Variants in ASDURF observed in about 807,000 individuals in gnomAD.
The protein encoded by ASDURF is ASNSD1 upstream open reading frame, also known as ASDURF protein.
ASDURF carries 3 observed loss-of-function variants against 3.3 expected under a neutral mutation model. That is an observed-to-expected ratio of 0.92 (90% confidence interval 0.42 to 2.37). The LOEUF (loss-of-function observed/expected upper bound fraction) is 2.37, where lower values mean the gene tolerates loss of function less well. ASDURF is among the 30% of genes most tolerant of loss of function. The pLI is 0.05. For missense variants in ASDURF, 23 were observed against 25.4 expected (o/e 0.90, Z 0.21); for synonymous variants, 11 against 8.3 (o/e 1.32, Z -0.55).
chr2:189,665,837 A>G (rs185225057), intron 3 of ASDURF, among the ~76,000 whole-genome samples: 277 of 151,966 alleles, frequency 1.8e-3, no homozygotes, highest in African/African-American at 6.3e-3. Context: ...GGCCAAAATC[A>G]GCACTCGGCA....
chr2:189,665,612 A>ATT lies in ASDURF; in HGVS notation c.220+162_220+163insTT, dbSNP rs2032776844. ...TATATATATGTGTATATATATATAT[A>ATT]TATATATATATATATATATATATAT... On this transcript the variant is annotated intron_variant, in intron 3 of 3. Coordinates refer to ENST00000607829, the MANE Select transcript of ASDURF (RefSeq NM_001353493.2). Among the ~76,000 whole-genome samples the ATT allele has an allele frequency of 1.5e-4, 5 of 32,824 alleles. 1 individual carries two copies. In the Admixed American group the frequency reaches 2.4e-3, roughly 15 times the overall value. The allele number at this position is 32,824 out of a possible 152,430, so 21.5% of individuals were successfully genotyped here.
At chr2:189,662,188 C>T (rs754130336) in intron 1 of ASDURF, among the ~76,000 whole-genome samples, 3 of 152,238 alleles carry the variant, frequency 2.0e-5, no homozygotes, top group Non-Finnish European at 4.4e-5. Context: ...CTAAAACACG[C>T]ATTGGGTTGT....
chr2:189,665,615 T>C (rs556597500), intron 3 of ASDURF, among the ~76,000 whole-genome samples, 164 bp downstream of exon 3: 5 of 106,228 alleles, frequency 4.7e-5, no homozygotes, highest in African/African-American at 1.9e-4. Flanking sequence ...TATATATATA[T>C]ATATATATAT....
At chr2:189,661,861 G>C (rs986990756) in intron 1 of ASDURF, among the ~76,000 whole-genome samples, 5 of 152,160 alleles carry the variant, frequency 3.3e-5, no homozygotes, top group Admixed American at 6.5e-5. Context: ...AGTTTTGGTT[G>C]GGTGTTTTCC....
Position 189,665,426 on chromosome 2 carries a change from A to T in ASDURF, c.195A>T (p.Arg65=). ...QNSNIFFLAD[R]TEMLSESKNI... ...GCAATATATTCTTTCTTGCAGACCG[A>T]ACAGAAATGCTGTCTGAGAGCAAGA... is the stretch of plus-strand genomic sequence containing the variant. Residue 65 remains arginine (R), a synonymous_variant, in exon 3 of 4, where the codon CGA becomes CGT. Coordinates refer to ENST00000607829, the MANE Select transcript of ASDURF (RefSeq NM_001353493.2). 1 of 397,848 alleles carries T rather than the reference A, an allele frequency of 2.5e-6. No homozygotes were observed. The highest frequency in any genetic ancestry group is 4.4e-6 in the Non-Finnish European group (1 of 225,580). 24.6% of individuals were successfully genotyped at this position (397,848 alleles called of 1,614,324 possible).
chr2:189,664,400 G>A (rs2032740351), intron 2 of ASDURF, among the ~76,000 whole-genome samples: 1 of 152,118 alleles, frequency 6.6e-6, no homozygotes, highest in African/African-American at 2.4e-5. Flanking sequence ...TGTGTAACAT[G>A]GTTATTTAAT....
At chr2:189,665,480 G>T in intron 3 of ASDURF, 29 bp downstream of exon 3, 2 of 395,638 alleles carry the variant, frequency 5.1e-6, no homozygotes, top group Non-Finnish European at 8.9e-6. Flanking sequence ...GGGGTTTTTG[G>T]GGGGTGCCTA....
chr2:189,666,380 T>C lies in ASDURF; in HGVS notation c.*269T>C, dbSNP rs1010434591. The stretch of plus-strand genomic sequence containing the variant: ...TGGAATGGAGAAATTTTTAGTGGAA[T>C]AAAGGTTGAAGCTGAAGAGAATGAC... On this transcript the variant is annotated 3_prime_UTR_variant, in exon 4 of 4. Coordinates refer to ENST00000607829, the MANE Select transcript of ASDURF (RefSeq NM_001353493.2). The C allele has an allele frequency of 6.2e-7, 1 of 1,613,992 alleles. No homozygotes were observed. Among genetic ancestry groups the C allele is most frequent in the Non-Finnish European group, 8.5e-7 (1 of 1,179,942 alleles).
At chr2:189,663,838 G>A (rs2032727721) in intron 1 of ASDURF, 63 bp from the exon 2 acceptor site, 1 of 370,232 alleles carries the variant, frequency 2.7e-6, no homozygotes, top group Admixed American at 4.7e-5. Context: ...AACCCCTTAA[G>A]GGATTTTCAT....
At chr2:189,664,140 T>C (rs777505517) in intron 2 of ASDURF, among the ~76,000 whole-genome samples, 186 bp downstream of exon 2, 3 of 152,236 alleles carry the variant, frequency 2.0e-5, no homozygotes, top group Non-Finnish European at 4.4e-5. Context: ...TAGCTGAAGA[T>C]GTCTTTTTTC....
intron 1 of ASDURF, among the ~76,000 whole-genome samples, chr2:189,662,452 C>G (rs1469961040): frequency 1.3e-5 from 2 of 152,116 alleles, no homozygotes; most frequent in African/African-American, 4.8e-5. Flanking sequence ...ATGGGAAAGC[C>G]CTGTATAAAT....
chr2:189,665,614 A>ATATATGTATG (rs1300656417), intron 3 of ASDURF, among the ~76,000 whole-genome samples, 163 bp downstream of exon 3: 1 of 95,636 alleles, frequency 1.0e-5, no homozygotes, highest in Admixed American at 1.0e-4. Flanking sequence ...ATATATATAT[A>ATATATGTATG]TATATATATA....
At position 189,666,352 on chromosome 2, in the gene ASDURF, C is replaced by T; in HGVS notation, c.*241C>T. ...GGAAGATGAAAGAGGCAATGTGTTT[C>T]TATGGAATGGAGAAATTTTTAGTGG... On this transcript the variant is annotated 3_prime_UTR_variant, in exon 4 of 4. Transcript: ENST00000607829. The T allele has an allele frequency of 6.2e-7, 1 of 1,613,752 alleles. No homozygotes were observed. The highest frequency in any genetic ancestry group is 8.5e-7 in the Non-Finnish European group (1 of 1,179,812).
At position 189,663,852 on chromosome 2, in the gene ASDURF, G is replaced by A. The variant is rs2032728084; in HGVS notation, c.91-49G>A. 1.1e-5 allele frequency: 4 copies of A among 377,338 alleles called. No individual in the cohort carries two copies. The East Asian group carries it at 1.5e-4, about 14-fold the overall frequency. 23.4% of individuals were successfully genotyped at this position (377,338 alleles called of 1,614,324 possible). A position where few individuals can be genotyped will look rare whatever the true frequency, so the allele number is the denominator to read the frequency against. On this transcript the variant is annotated intron_variant, in intron 1 of 3. Coordinates refer to ENST00000607829, the MANE Select transcript of ASDURF (RefSeq NM_001353493.2). Reference sequence around the variant, plus strand: ...CAACCCCTTAAGGGATTTTCATTGAGCATACTTTGAAAACATCTGACTTAA... The same window carrying A: ...CAACCCCTTAAGGGATTTTCATTGAACATACTTTGAAAACATCTGACTTAA...
intron 1 of ASDURF, among the ~76,000 whole-genome samples, chr2:189,662,760 T>C (rs2032695947): frequency 6.6e-6 from 1 of 151,918 alleles, no homozygotes; most frequent in South Asian, 2.1e-4. Context: ...AGAAACTTAG[T>C]TTTCACTTAG....
rs2032763507 is a variant in ASDURF, at chr2:189,665,454, A to G, written c.220+3A>G. ...AGAAATGCTGTCTGAGAGCAAGAGT[A>G]AGTTTTTTCTTTTTTGGGGTTTTTG... is the stretch of plus-strand genomic sequence containing the variant. On this transcript the variant is annotated splice_donor_region_variant and intron_variant, in intron 3 of 3. Coordinates refer to ENST00000607829, the MANE Select transcript of ASDURF (RefSeq NM_001353493.2). The G allele has an allele frequency of 1.8e-5, 7 of 397,704 alleles. No individual in the cohort carries two copies. The South Asian group carries it at 8.9e-4, about 51-fold the overall frequency. The allele number at this position is 397,704 out of a possible 1,614,324, so 24.6% of individuals were successfully genotyped here.
At chr2:189,665,309 G>C (rs2032759922) in intron 2 of ASDURF, 67 bp from the exon 3 acceptor site, 1 of 385,114 alleles carries the variant, frequency 2.6e-6, no homozygotes, top group Non-Finnish European at 4.6e-6. Context: ...GTGATAATAG[G>C]GTTTAAGGAT....
chr2:189,666,152 C>G lies in ASDURF; in HGVS notation c.*41C>G. The G allele has an allele frequency of 6.3e-7, 1 of 1,579,776 alleles. No individual in the cohort carries two copies. The highest frequency in any genetic ancestry group is 8.6e-7 in the Non-Finnish European group (1 of 1,164,278). On this transcript the variant is annotated 3_prime_UTR_variant, in exon 4 of 4. Transcript: ENST00000607829. ...ATAACAATGTGTGGCATTTGTTGTT[C>G]TGTAAACTTTTCTGCTGAGCATTTC...
At chr2:189,662,705 G>A (rs1231335685) in intron 1 of ASDURF, among the ~76,000 whole-genome samples, 1 of 152,112 alleles carries the variant, frequency 6.6e-6, no homozygotes, top group Non-Finnish European at 1.5e-5. Flanking sequence ...AGGCTCTTGT[G>A]ATACTATGTA....
Sources: allele counts gnomAD v4.1 joint callset (sites outside exome capture counted in the v4.1 genomes callset), GRCh38; gene constraint gnomAD v4.1.1; transcripts MANE v1.5; gene names NCBI Gene and HGNC (gene_info 2026-07-23, HGNC 2026-07-21).